RS1: variants seen among roughly 807,000 people sequenced by gnomAD.
The protein encoded by RS1 is retinoschisin.
In RS1, 2 loss-of-function variants were observed where a neutral mutation model predicts 20.8. The ratio of observed to expected loss-of-function variants is 0.10; its 90% confidence interval spans 0.04 to 0.30. The LOEUF (loss-of-function observed/expected upper bound fraction) is 0.30, where lower values mean the gene tolerates loss of function less well. Among genes scored for constraint, RS1 ranks in the 10% least tolerant of loss-of-function variants. RS1 has a pLI of 1.00. For synonymous variants in RS1, 70 were observed against 75.8 expected (o/e 0.92, Z 0.40); for missense variants, 151 against 189.8 (o/e 0.80, Z 1.20).
At chrX:18,667,046 G>A (rs1368057912) in intron 1 of RS1, among the ~76,000 whole-genome samples, 1 of 111,646 alleles carries the variant, frequency 9.0e-6, no homozygotes, top group African/African-American at 3.3e-5. Context: ...AGGCTGGATG[G>A]TGCCCTGTGC....
In RS1 at chrX:18,657,671, G is replaced by A. The variant is rs1185640438; in HGVS notation, c.53-6C>T. Reference sequence around the variant, plus strand: ...AGACGATAATCCCAATGTGGCTAAAGCAAAAGGATGAGACAGAAAAAATCT... The same window carrying A: ...AGACGATAATCCCAATGTGGCTAAAACAAAAGGATGAGACAGAAAAAATCT... On this transcript the variant is annotated splice_polypyrimidine_tract_variant and splice_region_variant and intron_variant, in intron 1 of 5. Coordinates refer to ENST00000379984, the MANE Select transcript of RS1 (RefSeq NM_000330.4). 1 of 1,187,573 alleles carries A rather than the reference G, an allele frequency of 8.4e-7. No homozygotes were observed. The highest frequency in any genetic ancestry group is 1.7e-5 in the African/African-American group (1 of 57,252).
chrX:18,656,606 G>T (rs750080314), intron 3 of RS1, 47 bp downstream of exon 3: 1 of 979,585 alleles, frequency 1.0e-6, no homozygotes, highest in Non-Finnish European at 1.5e-6. Context: ...GAAGAGAAAT[G>T]GGGTGTTCCC....
chrX:18,653,638 T>C, intron 3 of RS1: 15 of 1,087,105 alleles, frequency 1.4e-5, no homozygotes, highest in Non-Finnish European at 1.9e-5. Context: ...AACGCTGAGG[T>C]TGAGTTTTCC....
At chrX:18,658,025 C>T (rs1281735999) in intron 1 of RS1, among the ~76,000 whole-genome samples, 1 of 110,760 alleles carries the variant, frequency 9.0e-6, no homozygotes, top group Non-Finnish European at 1.9e-5. Context: ...CAAAAATTAG[C>T]TGGGCATGGT....
intron 3 of RS1, chrX:18,653,376 C>A (rs1228378990): frequency 8.4e-7 from 1 of 1,194,848 alleles, no homozygotes; most frequent in African/African-American, 1.7e-5. Flanking sequence ...CCAGAGTGCA[C>A]CTGCTAGCGC....
intron 3 of RS1, among the ~76,000 whole-genome samples, chrX:18,650,876 A>G (rs1333652416): frequency 8.9e-6 from 1 of 112,342 alleles, no homozygotes; most frequent in Non-Finnish European, 1.9e-5. Flanking sequence ...AAATGGGGGC[A>G]TGATGTAGTA....
chrX:18,643,328 C>T (rs1223222840), intron 5 of RS1, among the ~76,000 whole-genome samples: 1 of 111,362 alleles, frequency 9.0e-6, no homozygotes, highest in Non-Finnish European at 1.9e-5. Context: ...ACGGGAAGGG[C>T]CTGGTCTGCC....
At chrX:18,657,217 C>CTTTTTTTTT (rs749358875) in intron 2 of RS1, among the ~76,000 whole-genome samples, 2,112 of 65,007 alleles carry the variant, frequency 0.032, 150 homozygotes, top group Non-Finnish European at 0.039. Flanking sequence ...AAAAAAAATA[C>CTTTTTTTTT]TTTTTTTTTT....
chrX:18,646,452 G>T (rs1927777312), intron 4 of RS1, among the ~76,000 whole-genome samples: 1 of 112,794 alleles, frequency 8.9e-6, no homozygotes, highest in African/African-American at 3.2e-5. Context: ...ACTGTGCCTG[G>T]CTGATGAATG....
At chrX:18,662,748 C>A (rs2147205650) in intron 1 of RS1, among the ~76,000 whole-genome samples, 1 of 108,500 alleles carries the variant, frequency 9.2e-6, no homozygotes, top group Admixed American at 1.0e-4. Flanking sequence ...CTGCCTCAGC[C>A]TCTTAAGTAG....
At chrX:18,651,262 T>TGTGA in intron 3 of RS1, among the ~76,000 whole-genome samples, 1 of 77,740 alleles carries the variant, frequency 1.3e-5, no homozygotes, top group South Asian at 6.5e-4. Context: ...TGTGTGTGTG[T>TGTGA]GTGAGAGAGA....
chrX:18,653,040 G>T (rs969170728), intron 3 of RS1, among the ~76,000 whole-genome samples: 1 of 112,415 alleles, frequency 8.9e-6, no homozygotes, highest in African/African-American at 3.2e-5. Context: ...ATAGTGTTAT[G>T]CATAGATATT....
chrX:18,665,353 T>G (rs1427750756), intron 1 of RS1, among the ~76,000 whole-genome samples: 2 of 111,949 alleles, frequency 1.8e-5, no homozygotes, highest in African/African-American at 3.2e-5. Flanking sequence ...TCTCTCCATT[T>G]CCACACCCCT....
intron 1 of RS1, among the ~76,000 whole-genome samples, chrX:18,666,644 G>A (rs1375307025): frequency 8.9e-6 from 1 of 111,734 alleles, no homozygotes; most frequent in Non-Finnish European, 1.9e-5. Flanking sequence ...TGTGGCAACA[G>A]GGTCCGGTTC....
At chrX:18,657,895 G>T (rs1928246293) in intron 1 of RS1, among the ~76,000 whole-genome samples, 1 of 111,955 alleles carries the variant, frequency 8.9e-6, no homozygotes, top group African/African-American at 3.2e-5. Context: ...TATAGGGCCG[G>T]TGCAGCGGCT....
intron 1 of RS1, among the ~76,000 whole-genome samples, chrX:18,670,378 C>A (rs1212198606): frequency 3.6e-5 from 4 of 110,036 alleles, no homozygotes; most frequent in Non-Finnish European, 7.6e-5. Context: ...GAGGCACCTG[C>A]CATCATGCCC....
At chrX:18,663,032 CTTTTTTTTTTTTT>C (rs55857398) in intron 1 of RS1, among the ~76,000 whole-genome samples, 48 of 74,680 alleles carry the variant, frequency 6.4e-4, no homozygotes, top group Middle Eastern at 0.013. Context: ...AGAACAATGA[CTTTTTTTTTTTTT>C]TTTTTTTTTT....
chrX:18,661,890 T>C (rs1928316850), intron 1 of RS1, among the ~76,000 whole-genome samples: 1 of 112,640 alleles, frequency 8.9e-6, no homozygotes, highest in Non-Finnish European at 1.9e-5. Flanking sequence ...CTTGGAGTTT[T>C]GATAGGCACA....
At chrX:18,663,551 G>GC (rs1235216314) in intron 1 of RS1, among the ~76,000 whole-genome samples, 1 of 109,533 alleles carries the variant, frequency 9.1e-6, no homozygotes, top group African/African-American at 3.3e-5. Context: ...TCACTATGTT[G>GC]CCCAGGCTGG....
Sources: gnomAD v4.1 joint callset for allele counts (sites outside exome capture counted in the v4.1 genomes callset) on GRCh38, gnomAD v4.1.1 for gene constraint, MANE v1.5 for transcripts, NCBI Gene and HGNC (gene_info 2026-07-23, HGNC 2026-07-21) for gene names.